Variants in NCBP3 observed in about 807,000 individuals in gnomAD.
The protein encoded by NCBP3 is nuclear cap binding subunit 3.
NCBP3 carries 20 observed loss-of-function variants against 75.7 expected under a neutral mutation model. The observed-to-expected ratio is 0.26, with a 90% CI of 0.19 to 0.38. The LOEUF (loss-of-function observed/expected upper bound fraction) is 0.38. Ranked by LOEUF, NCBP3 falls within the 10% of genes least tolerant of loss-of-function variation. NCBP3 has a pLI of 1.00. For synonymous variants in NCBP3, 293 were observed against 290.5 expected, an observed-to-expected ratio of 1.01 and a Z score of -0.09; for missense variants, 678 against 796.9, an observed-to-expected ratio of 0.85 and a Z score of 1.80.
chr17:3,814,925 C>T (rs1044017794), intron 11 of NCBP3, among the ~76,000 whole-genome samples: 2 of 152,010 alleles, frequency 1.3e-5, no homozygotes, highest in South Asian at 2.1e-4. Context: ...TGTGTTTTTC[C>T]CTCAATCCCC....
intron 3 of NCBP3, among the ~76,000 whole-genome samples, chr17:3,839,485 T>C (rs1273401770): frequency 6.6e-6 from 1 of 152,092 alleles, no homozygotes; most frequent in Non-Finnish European, 1.5e-5. Context: ...GTAGCTGAGA[T>C]TACAGGCGCC....
In NCBP3 at chr17:3,824,924, A is replaced by C. The variant is rs1428898382; in HGVS notation, c.796+18T>G. ...ATTTTGATTGAAAATATAAAACAAT[A>C]CCAAATATTACATTTACCTTTTGTA... On this transcript the variant is annotated intron_variant, in intron 7 of 12. Transcript: ENST00000389005. 1 of 1,325,122 alleles carries C rather than the reference A, an allele frequency of 7.5e-7. No individual in the cohort carries two copies. 82.1% of individuals were successfully genotyped at this position (1,325,122 alleles called of 1,614,324 possible). A position where few individuals can be genotyped will look rare whatever the true frequency, so the allele number is the denominator to read the frequency against.
At position 3,807,410 on chromosome 17, in the gene NCBP3, T is replaced by C. The variant is rs2053347899; in HGVS notation, c.*5634A>G. ...CTCAGGTCTATTTAATGAGATTTTT[T>C]TTTCTTATACAACCATATGCACTTC... is the stretch of plus-strand genomic sequence containing the variant. On this transcript the variant is annotated 3_prime_UTR_variant, in exon 13 of 13. Coordinates refer to ENST00000389005, the MANE Select transcript of NCBP3 (RefSeq NM_001114118.3). 6.6e-6 allele frequency: 1 copy of C among 152,188 alleles called. No homozygotes were observed. Among genetic ancestry groups the C allele is most frequent in the Non-Finnish European group, 1.5e-5 (1 of 68,028 alleles). The allele number at this position is 152,188 out of a possible 1,614,324, so 9.4% of individuals were successfully genotyped here.
At chr17:3,840,274 G>C (rs2054041330) in intron 2 of NCBP3, 69 bp from the exon 3 acceptor site, 5 of 1,258,124 alleles carry the variant, frequency 4.0e-6, no homozygotes, top group Non-Finnish European at 1.1e-6. Context: ...CATGCATCAT[G>C]ATGCATCAGT....
In NCBP3 at chr17:3,846,159, C is replaced by T; in HGVS notation, c.65G>A (p.Gly22Glu). 1.3e-6 allele frequency: 2 copies of T among 1,532,476 alleles called. No individual in the cohort carries two copies. The highest frequency in any genetic ancestry group is 1.8e-6 in the Non-Finnish European group (2 of 1,139,348). 94.9% of individuals were successfully genotyped at this position (1,532,476 alleles called of 1,614,324 possible). A position where few individuals can be genotyped will look rare whatever the true frequency, so the allele number is the denominator to read the frequency against. The change falls in exon 1 of 13, where the codon GGG becomes GAG. Residue 22 changes from glycine (G) to glutamate (E), a missense_variant. Around this residue, in one of 7 missense-constraint regions of NCBP3, gnomAD observed 76 missense variants for 53.8 expected, o/e 1.41. Transcript: ENST00000389005. The surrounding 1 kb of genome is among the most constrained non-coding windows in gnomAD (Gnocchi z 4.6). Reference sequence around the variant, plus strand: ...GGACTCCGCCTCAGGGGACGGGAGCCCCAGGGCCGGCCCCGCCGGGGCCTC... The same window carrying T: ...GGACTCCGCCTCAGGGGACGGGAGCTCCAGGGCCGGCCCCGCCGGGGCCTC... ...KAEAPAGPAL[G>E]LPSPEAESGV...
chr17:3,845,429 T>C (rs757789120), intron 1 of NCBP3, among the ~76,000 whole-genome samples: 5 of 152,066 alleles, frequency 3.3e-5, no homozygotes, highest in Non-Finnish European at 7.4e-5. Context: ...ACCAAGGATG[T>C]CTATTGGTCG....
At chr17:3,845,771 G>C (rs1346537877) in intron 1 of NCBP3, among the ~76,000 whole-genome samples, 1 of 152,034 alleles carries the variant, frequency 6.6e-6, no homozygotes, top group East Asian at 1.9e-4. Context: ...GGCTCAGAGG[G>C]GGCAGCGGAG....
chr17:3,802,957 A>C lies in NCBP3; in HGVS notation c.*10087T>G, dbSNP rs2053290036. The C allele has an allele frequency of 6.6e-6, 1 of 152,206 alleles. No homozygotes were observed. The highest frequency in any genetic ancestry group is 2.1e-4 in the South Asian group (1 of 4,832). 9.4% of individuals were successfully genotyped at this position (152,206 alleles called of 1,614,324 possible). ...ATGCGGACTCATCCTGCATCCATCC[A>C]GTATGTATTTATCCAAGCGTCAGTG... On this transcript the variant is annotated 3_prime_UTR_variant, in exon 13 of 13. Transcript: ENST00000389005.
rs1372561259 is a variant in NCBP3 at position 3,802,502 on chromosome 17, ACAGTTG to A, written c.*10536_*10541del. 1 of 152,204 alleles carries A rather than the reference ACAGTTG, an allele frequency of 6.6e-6. No individual in the cohort carries two copies. The highest frequency in any genetic ancestry group is 1.5e-5 in the Non-Finnish European group (1 of 68,036). The allele number at this position is 152,204 out of a possible 1,614,324, so 9.4% of individuals were successfully genotyped here. A position where few individuals can be genotyped will look rare whatever the true frequency, so the allele number is the denominator to read the frequency against. On this transcript the variant is annotated 3_prime_UTR_variant, in exon 13 of 13. Transcript: ENST00000389005. ...CCATCCTGTATGAAACAGAAGTTAAACAGTTGTAAAAGCAAAATTCCAGGTCTGGTG... is the reference window on the plus strand; with the variant it reads ...CCATCCTGTATGAAACAGAAGTTAAATAAAAGCAAAATTCCAGGTCTGGTG...
intron 1 of NCBP3, among the ~76,000 whole-genome samples, chr17:3,844,882 C>T (rs1055977730): frequency 6.6e-6 from 1 of 152,154 alleles, no homozygotes; most frequent in Non-Finnish European, 1.5e-5. Context: ...TGCGGTGAGC[C>T]GAGATCGCGC....
intron 3 of NCBP3, 112 bp downstream of exon 3, chr17:3,839,988 G>C: frequency 1.3e-6 from 1 of 745,926 alleles, no homozygotes; most frequent in Non-Finnish European, 2.3e-6. Flanking sequence ...TCTCACAAGA[G>C]TGCTTGGATA....
intron 3 of NCBP3, among the ~76,000 whole-genome samples, chr17:3,836,366 T>C (rs1361773547): frequency 6.6e-6 from 1 of 152,130 alleles, no homozygotes; most frequent in Non-Finnish European, 1.5e-5. Flanking sequence ...TAAGAATTCC[T>C]GTCATTGGCC....
At chr17:3,816,081 A>G (rs752814404) in intron 11 of NCBP3, 35 bp downstream of exon 11, 12 of 1,594,648 alleles carry the variant, frequency 7.5e-6, no homozygotes, top group Middle Eastern at 1.8e-4. Context: ...TCCGGAGCTC[A>G]GAATCCAGCC....
chr17:3,831,406 AC>A (rs2143688325), intron 3 of NCBP3, among the ~76,000 whole-genome samples: 1 of 151,652 alleles, frequency 6.6e-6, no homozygotes, highest in South Asian at 2.1e-4. Context: ...CCCCATCTCT[AC>A]TAAAAATACA....
In NCBP3 at chr17:3,810,994, G is replaced by A. The variant is rs999490786; in HGVS notation, c.*2050C>T. ...ACCACAAGACATCTTTGCCCCGTCA[G>A]TAGAAGCAGAGACTGTGCTGGGATG... On this transcript the variant is annotated 3_prime_UTR_variant, in exon 13 of 13. Transcript: ENST00000389005. 2 of 152,416 alleles carry A rather than the reference G, an allele frequency of 1.3e-5. No individual in the cohort carries two copies. The highest frequency in any genetic ancestry group is 2.4e-5 in the African/African-American group (1 of 41,462). The allele number at this position is 152,416 out of a possible 1,614,324, so 9.4% of individuals were successfully genotyped here.
At chr17:3,844,977 G>A (rs1221974936) in intron 1 of NCBP3, among the ~76,000 whole-genome samples, 1 of 152,142 alleles carries the variant, frequency 6.6e-6, no homozygotes, top group Non-Finnish European at 1.5e-5. Context: ...AATGACTAAA[G>A]GGATGATAAC....
chr17:3,836,043 G>C (rs1042206214), intron 3 of NCBP3, among the ~76,000 whole-genome samples: 1 of 152,154 alleles, frequency 6.6e-6, no homozygotes, highest in Non-Finnish European at 1.5e-5. Flanking sequence ...CTCCTCACAG[G>C]GCTGTTGAAA....
At chr17:3,824,758 T>A (rs1435784098) in intron 7 of NCBP3, 184 bp downstream of exon 7, 1 of 370,088 alleles carries the variant, frequency 2.7e-6, no homozygotes, top group Non-Finnish European at 4.8e-6. Flanking sequence ...ATAGTTAATA[T>A]TCACTTTTAA....
In NCBP3 at chr17:3,826,110, T is replaced by C; in HGVS notation, c.587A>G (p.Lys196Arg). ...KIRSRDASED[K>R]SAEKRKKDKQ... ...ACCTTTTTTCCTTTTCTCAGCTGACTTGTCCTCACTGGCATCCCTGCTTCT... is the reference window on the plus strand; with the variant it reads ...ACCTTTTTTCCTTTTCTCAGCTGACCTGTCCTCACTGGCATCCCTGCTTCT... Residue 196 changes from lysine to arginine, a missense_variant, in exon 5 of 13, where the codon AAG becomes AGG. Around this residue, in one of 7 missense-constraint regions of NCBP3, gnomAD observed 98 missense variants for 101.8 expected, o/e 0.96. Coordinates refer to ENST00000389005, the MANE Select transcript of NCBP3 (RefSeq NM_001114118.3). The C allele has an allele frequency of 6.4e-7, 1 of 1,551,576 alleles. No homozygotes were observed. The highest frequency in any genetic ancestry group is 8.7e-7 in the Non-Finnish European group (1 of 1,146,930).
Sources: allele counts gnomAD v4.1 joint callset (sites outside exome capture counted in the v4.1 genomes callset), GRCh38; gene constraint gnomAD v4.1.1; regional missense constraint gnomAD v4.1.1; non-coding constraint Gnocchi (gnomAD v3.1); transcripts MANE v1.5; gene names NCBI Gene and HGNC (gene_info 2026-07-23, HGNC 2026-07-21).